PKNOX2: variants seen among roughly 807,000 people sequenced by gnomAD.
The protein encoded by PKNOX2 is homeobox protein PKNOX2.
In PKNOX2, 14 loss-of-function variants were observed where a neutral mutation model predicts 53.1. The observed-to-expected ratio is 0.26, with a 90% CI of 0.17 to 0.41. PKNOX2 has a LOEUF of 0.41. Ranked by LOEUF, PKNOX2 falls within the 10% of genes least tolerant of loss-of-function variation. The probability of loss-of-function intolerance (pLI) is 1.00; values close to 1 mark genes in which losing one functional copy is unlikely to be tolerated. For missense variants in PKNOX2, 496 were observed against 602.8 expected, an observed-to-expected ratio of 0.82 and a Z score of 1.85; for synonymous variants, 257 against 242.8, an observed-to-expected ratio of 1.06 and a Z score of -0.54.
chr11:125,328,371 GAGAGAGAGTGAGTGAGAGAGAA>G (rs545982113), intron 2 of PKNOX2, among the ~76,000 whole-genome samples: 5,208 of 148,366 alleles, frequency 0.035, 99 homozygotes, highest in African/African-American at 0.039. Flanking sequence ...GTGAGAGAGA[GAGAGAGAGTGAGTGAGAGAGAA>G]AGAGAGACAG....
chr11:125,347,031 G>C (rs1444083474), intron 3 of PKNOX2, among the ~76,000 whole-genome samples: 2 of 152,162 alleles, frequency 1.3e-5, no homozygotes, highest in Non-Finnish European at 2.9e-5. Context: ...TCACTTCCCC[G>C]GGGCTGAGAA....
intron 1 of PKNOX2, among the ~76,000 whole-genome samples, chr11:125,169,138 G>A (rs1344870972): frequency 6.6e-6 from 1 of 152,222 alleles, no homozygotes; most frequent in Admixed American, 6.5e-5. Flanking sequence ...GTGAAGCCAA[G>A]TGTCTGGATC....
At chr11:125,196,245 G>A (rs140772254) in intron 1 of PKNOX2, among the ~76,000 whole-genome samples, 2 of 152,296 alleles carry the variant, frequency 1.3e-5, no homozygotes, top group Non-Finnish European at 1.5e-5. Flanking sequence ...CACCCGAGAA[G>A]GGGCTGTGAG....
chr11:125,238,518 ACT>A (rs1942913099), intron 2 of PKNOX2, among the ~76,000 whole-genome samples: 2 of 151,788 alleles, frequency 1.3e-5, no homozygotes, highest in Non-Finnish European at 2.9e-5. Context: ...TCAACTAAGG[ACT>A]CTCTATTCTT....
intron 3 of PKNOX2, among the ~76,000 whole-genome samples, chr11:125,339,510 T>C (rs1387097757): frequency 6.6e-6 from 1 of 152,226 alleles, no homozygotes; most frequent in Non-Finnish European, 1.5e-5. Context: ...GAACAGGGAC[T>C]TCTTTACAGC....
At chr11:125,179,957 C>T (rs141496547) in intron 1 of PKNOX2, among the ~76,000 whole-genome samples, 1 of 152,120 alleles carries the variant, frequency 6.6e-6, no homozygotes, top group African/African-American at 2.4e-5. Context: ...GAATAAAGGC[C>T]AAAGTCCTCC....
At chr11:125,351,868 C>A (rs1951344263) in intron 4 of PKNOX2, among the ~76,000 whole-genome samples, 1 of 152,278 alleles carries the variant, frequency 6.6e-6, no homozygotes, top group African/African-American at 2.4e-5. Flanking sequence ...TCGGGAGAAT[C>A]TCTGTTCTCT....
intron 1 of PKNOX2, among the ~76,000 whole-genome samples, chr11:125,210,509 G>A (rs895373468): frequency 6.6e-6 from 1 of 152,146 alleles, no homozygotes; most frequent in Non-Finnish European, 1.5e-5. Flanking sequence ...GCAGCACAGC[G>A]AGGCCCTCCC....
intron 7 of PKNOX2, 187 bp from the exon 8 acceptor site, chr11:125,410,009 T>A (rs992919824): frequency 1.5e-5 from 11 of 748,456 alleles, no homozygotes; most frequent in South Asian, 2.6e-5. Flanking sequence ...TTGTTTTTTT[T>A]AATTGAGCCT....
At chr11:125,429,877 G>C in intron 11 of PKNOX2, 86 bp from the exon 12 acceptor site, 1 of 1,440,082 alleles carries the variant, frequency 6.9e-7, no homozygotes, top group South Asian at 1.4e-5. Context: ...GTGAAATGGA[G>C]TCTGAAGGCA....
At chr11:125,260,519 A>C (rs947414381) in intron 2 of PKNOX2, among the ~76,000 whole-genome samples, 1 of 152,130 alleles carries the variant, frequency 6.6e-6, no homozygotes, top group African/African-American at 2.4e-5. Context: ...TTTTTTAATC[A>C]GAAAGGTGAT....
intron 6 of PKNOX2, among the ~76,000 whole-genome samples, chr11:125,395,468 C>A (rs1049681490): frequency 6.6e-6 from 1 of 152,158 alleles, no homozygotes; most frequent in Admixed American, 6.6e-5. Flanking sequence ...ATATGGTACG[C>A]ACATATTTAG....
intron 1 of PKNOX2, among the ~76,000 whole-genome samples, chr11:125,178,803 A>G (rs1440387143): frequency 1.3e-5 from 2 of 152,026 alleles, no homozygotes; most frequent in Non-Finnish European, 2.9e-5. Context: ...GAAAGAGCAT[A>G]GACCTTAGAA....
At chr11:125,386,526 A>G (rs1953643451) in intron 6 of PKNOX2, among the ~76,000 whole-genome samples, 1 of 152,074 alleles carries the variant, frequency 6.6e-6, no homozygotes, top group East Asian at 1.9e-4. Flanking sequence ...ATTAACCACA[A>G]TTCTTTATTT....
At chr11:125,265,170 C>T (rs1377135446) in intron 2 of PKNOX2, among the ~76,000 whole-genome samples, 4 of 151,908 alleles carry the variant, frequency 2.6e-5, no homozygotes, top group African/African-American at 4.8e-5. Context: ...GCCTGTAGTC[C>T]CAGCTACTCG....
At chr11:125,243,715 T>C (rs1943345418) in intron 2 of PKNOX2, among the ~76,000 whole-genome samples, 1 of 152,032 alleles carries the variant, frequency 6.6e-6, no homozygotes, top group Admixed American at 6.6e-5. Context: ...CTCCGCCTCT[T>C]TGGTTCATGC....
chr11:125,332,964 G>C (rs538857686), intron 3 of PKNOX2, among the ~76,000 whole-genome samples: 2 of 152,280 alleles, frequency 1.3e-5, no homozygotes, highest in East Asian at 3.9e-4. Flanking sequence ...ATGAGGGGTG[G>C]GTGGCATGGG....
At chr11:125,320,237 A>G (rs1336482708) in intron 2 of PKNOX2, among the ~76,000 whole-genome samples, 1 of 152,228 alleles carries the variant, frequency 6.6e-6, no homozygotes, top group African/African-American at 2.4e-5. Flanking sequence ...TCTAGGAACC[A>G]TAGAAATAAG....
At chr11:125,191,783 G>T (rs1005910848) in intron 1 of PKNOX2, among the ~76,000 whole-genome samples, 1 of 152,194 alleles carries the variant, frequency 6.6e-6, no homozygotes, top group South Asian at 2.1e-4. Context: ...GATGAAACCT[G>T]ACTGCACTGG....
Sources: allele counts gnomAD v4.1 joint callset (sites outside exome capture counted in the v4.1 genomes callset), GRCh38; gene constraint gnomAD v4.1.1; transcripts MANE v1.5; gene names NCBI Gene and HGNC (gene_info 2026-07-23, HGNC 2026-07-21).